Variants in CELF2 observed in about 807,000 individuals in gnomAD.
The protein encoded by CELF2 is CUGBP Elav-like family member 2, also known as CUG triplet repeat RNA-binding protein 2.
Under a neutral mutation model 62.6 loss-of-function variants are expected in CELF2, and 8 were observed. The observed-to-expected ratio is 0.13, with a 90% CI of 0.07 to 0.23. The LOEUF is 0.23. CELF2 is among the 10% of genes least tolerant of loss of function. The pLI, the probability that CELF2 is intolerant of heterozygous loss-of-function variation, is 1.00. For synonymous variants in CELF2, 258 were observed against 250.0 expected, an observed-to-expected ratio of 1.03 and a Z score of -0.30; for missense variants, 333 against 671.0, an observed-to-expected ratio of 0.50 and a Z score of 5.56.
At chr10:11,137,032 T>G (rs2060542731) in intron 1 of CELF2, among the ~76,000 whole-genome samples, 1 of 152,244 alleles carries the variant, frequency 6.6e-6, no homozygotes, top group Non-Finnish European at 1.5e-5. Flanking sequence ...AATACATACA[T>G]ATATGTGTAT....
chr10:10,641,546 T>A, the CELF2 span, among the ~76,000 whole-genome samples: 2 of 152,198 alleles, frequency 1.3e-5, no homozygotes, highest in South Asian at 2.1e-4. Flanking sequence ...GTTCAAGTGA[T>A]TCTCCTGTCT....
the CELF2 span, among the ~76,000 whole-genome samples, chr10:10,622,927 A>T: frequency 1.3e-5 from 2 of 151,302 alleles, no homozygotes; most frequent in Non-Finnish European, 2.9e-5. Flanking sequence ...TAAAAATACA[A>T]AAAAACGTAG....
chr10:11,150,232 AGCTGAAG>A (rs1217329894), intron 1 of CELF2, among the ~76,000 whole-genome samples: 2 of 152,220 alleles, frequency 1.3e-5, no homozygotes, highest in African/African-American at 4.8e-5. Flanking sequence ...GAAAATGTAG[AGCTGAAG>A]GCAAGAGCAC....
chr10:11,274,700 G>A (rs916052317), intron 7 of CELF2, among the ~76,000 whole-genome samples: 1 of 152,190 alleles, frequency 6.6e-6, no homozygotes, highest in African/African-American at 2.4e-5. Flanking sequence ...TAGAAGAGAG[G>A]GAGGGAATGG....
At chr10:10,541,683 A>G in the CELF2 span, among the ~76,000 whole-genome samples, 1 of 152,146 alleles carries the variant, frequency 6.6e-6, no homozygotes, top group Non-Finnish European at 1.5e-5. Context: ...ATGCATTATA[A>G]TTAGTGTATA....
the CELF2 span, among the ~76,000 whole-genome samples, chr10:10,582,480 A>T: frequency 6.6e-6 from 1 of 152,184 alleles, no homozygotes; most frequent in Non-Finnish European, 1.5e-5. Flanking sequence ...TATAGAGTCA[A>T]GGCTTCTCAC....
At chr10:10,480,995 G>A in the CELF2 span, among the ~76,000 whole-genome samples, 3 of 152,112 alleles carry the variant, frequency 2.0e-5, no homozygotes, top group South Asian at 2.1e-4. Flanking sequence ...CCTGGGAGGC[G>A]GAGGTTGCAG....
At chr10:10,595,734 A>G in the CELF2 span, among the ~76,000 whole-genome samples, 1 of 152,128 alleles carries the variant, frequency 6.6e-6, no homozygotes, top group Admixed American at 6.5e-5. Context: ...CATCTCTACA[A>G]AAAATACAAA....
At chr10:10,735,227 A>C in the CELF2 span, among the ~76,000 whole-genome samples, 6 of 152,226 alleles carry the variant, frequency 3.9e-5, no homozygotes, top group Non-Finnish European at 1.5e-5. Context: ...TCAATATTTT[A>C]ATGTGAAGTT....
At chr10:10,484,821 C>T in the CELF2 span, among the ~76,000 whole-genome samples, 2 of 152,030 alleles carry the variant, frequency 1.3e-5, no homozygotes, top group Non-Finnish European at 1.5e-5. Flanking sequence ...ATTAGCACAA[C>T]TAATAATTAG....
At chr10:10,489,380 C>A in the CELF2 span, among the ~76,000 whole-genome samples, 2 of 152,084 alleles carry the variant, frequency 1.3e-5, no homozygotes, top group Admixed American at 1.3e-4. Flanking sequence ...GAGTCTTCAT[C>A]ACTGATAATT....
At chr10:10,465,767 GAA>G in the CELF2 span, among the ~76,000 whole-genome samples, 1 of 152,010 alleles carries the variant, frequency 6.6e-6, no homozygotes. Flanking sequence ...AACTTGTAAG[GAA>G]AAGAGATGGT....
chr10:10,799,285 G>C (rs1387756901), intron 1 of CELF2, among the ~76,000 whole-genome samples: 1 of 151,788 alleles, frequency 6.6e-6, no homozygotes, highest in Non-Finnish European at 1.5e-5. Flanking sequence ...TTCGAGACCA[G>C]CCTGGCCAAC....
chr10:11,065,453 C>T (rs930934110), intron 1 of CELF2, among the ~76,000 whole-genome samples: 6 of 152,018 alleles, frequency 3.9e-5, no homozygotes, highest in African/African-American at 1.5e-4. Flanking sequence ...ATGCGGTACA[C>T]TAAGTAGTTT....
At chr10:10,862,887 C>T (rs2060127766) in intron 1 of CELF2, among the ~76,000 whole-genome samples, 1 of 152,228 alleles carries the variant, frequency 6.6e-6, no homozygotes, top group African/African-American at 2.4e-5. Context: ...TTAATTCTGT[C>T]AATAGTGTTC....
At chr10:10,634,299 T>G in the CELF2 span, among the ~76,000 whole-genome samples, 1 of 152,154 alleles carries the variant, frequency 6.6e-6, no homozygotes, top group Non-Finnish European at 1.5e-5. Flanking sequence ...CCTAGGTATA[T>G]TCTAAATTGG....
chr10:11,226,683 C>T (rs971712329), intron 3 of CELF2, among the ~76,000 whole-genome samples: 2 of 151,970 alleles, frequency 1.3e-5, no homozygotes, highest in African/African-American at 4.8e-5. Flanking sequence ...GGGCACCTGG[C>T]AGCGGCTGTG....
the CELF2 span, among the ~76,000 whole-genome samples, chr10:10,558,196 T>A: frequency 6.6e-6 from 1 of 152,238 alleles, no homozygotes; most frequent in Non-Finnish European, 1.5e-5. Flanking sequence ...CTTATTATTT[T>A]GAAATGCGTC....
At chr10:10,687,526 G>T in the CELF2 span, among the ~76,000 whole-genome samples, 1 of 152,116 alleles carries the variant, frequency 6.6e-6, no homozygotes, top group African/African-American at 2.4e-5. Flanking sequence ...CATGAATGGA[G>T]ACTTCCTTGA....
Sources: allele counts gnomAD v4.1 joint callset (sites outside exome capture counted in the v4.1 genomes callset), GRCh38; gene constraint gnomAD v4.1.1; transcripts MANE v1.5; gene names NCBI Gene and HGNC (gene_info 2026-07-23, HGNC 2026-07-21).